PUM2: variants seen among roughly 807,000 people sequenced by gnomAD.
PUM2 encodes pumilio RNA binding family member 2.
PUM2 carries 57 observed loss-of-function variants against 124.5 expected under a neutral mutation model. That is an observed-to-expected ratio of 0.46 (90% CI 0.37 to 0.57). The LOEUF is 0.57. Ranked by LOEUF, PUM2 falls within the 20% of genes least tolerant of loss-of-function variation. PUM2 has a pLI of 0.00. For synonymous variants in PUM2, 460 were observed against 446.1 expected, an observed-to-expected ratio of 1.03 and a Z score of -0.39; for missense variants, 1,065 against 1,290.6, an observed-to-expected ratio of 0.83 and a Z score of 2.68.
intron 1 of PUM2, among the ~76,000 whole-genome samples, chr2:20,332,487 T>C (rs991963929): frequency 2.0e-5 from 3 of 151,570 alleles, no homozygotes; most frequent in Non-Finnish European, 4.4e-5. Flanking sequence ...TTATTTCAAT[T>C]ACGAGAAAGA....
At chr2:20,273,945 G>C (rs1669594459) in intron 13 of PUM2, among the ~76,000 whole-genome samples, 2 of 152,020 alleles carry the variant, frequency 1.3e-5, no homozygotes, top group Admixed American at 1.3e-4. Context: ...ACCATAATGA[G>C]GTAATCATTA....
chr2:20,268,609 C>A (rs1396878386), intron 13 of PUM2, among the ~76,000 whole-genome samples: 1 of 151,946 alleles, frequency 6.6e-6, no homozygotes, highest in Non-Finnish European at 1.5e-5. Flanking sequence ...TAGAGCAAGA[C>A]CCTGTCTAAA....
rs776909743 is a variant in PUM2, at chr2:20,308,414, A to G, written c.689T>C (p.Val230Ala). ...ETQNLDAMEQ[V>A]GLESLQFDYP... The stretch of plus-strand genomic sequence containing the variant: ...GTCAAACTGTAAGGATTCCAGACCA[A>G]CTTGTTCCATGGCATCCAGATTCTG... Residue 230 changes from valine (V) to alanine (A), a missense_variant, in exon 6 of 21, where the codon GTT (valine) becomes GCT (alanine). By Grantham distance (64) the Val-to-Ala change is moderately conservative. Transcript: ENST00000361078. 1 of 1,614,110 alleles carries G rather than the reference A, an allele frequency of 6.2e-7. No homozygotes were observed. The highest frequency in any genetic ancestry group is 8.5e-7 in the Non-Finnish European group (1 of 1,179,976).
At chr2:20,315,846 AAAAAAAAAAAAAC>A (rs914610325) in intron 3 of PUM2, among the ~76,000 whole-genome samples, 2 of 151,376 alleles carry the variant, frequency 1.3e-5, no homozygotes, top group African/African-American at 4.8e-5. Context: ...CAAAAAAAAA[AAAAAAAAAAAAAC>A]AAACCAAAAA....
intron 1 of PUM2, among the ~76,000 whole-genome samples, chr2:20,345,504 A>T (rs1688074981): frequency 6.6e-6 from 1 of 152,288 alleles, no homozygotes; most frequent in East Asian, 1.9e-4. Context: ...AAAGGTCTTA[A>T]AAACAAGGAC....
At position 20,328,093 on chromosome 2, in the gene PUM2, G is replaced by C. The variant is rs376995082; in HGVS notation, c.-18-715C>G. On this transcript the variant is annotated intron_variant, in intron 1 of 20. Coordinates refer to ENST00000361078, the MANE Select transcript of PUM2 (RefSeq NM_015317.5). ...CTCACGACTATAATCTCAGCACTTT[G>C]GGAGACCGAGGTGGGTGATCACTTG... is the stretch of plus-strand genomic sequence containing the variant. Among the ~76,000 whole-genome samples the C allele has an allele frequency of 3.3e-4, 51 of 152,300 alleles. No homozygotes were observed. The South Asian group carries it at 9.9e-3, about 30-fold the overall frequency.
intron 7 of PUM2, among the ~76,000 whole-genome samples, chr2:20,304,428 A>G (rs897697690): frequency 1.3e-5 from 2 of 152,216 alleles, no homozygotes; most frequent in Admixed American, 6.5e-5. Flanking sequence ...AATAGTTTTA[A>G]TATTTTTAAA....
chr2:20,305,510 G>A (rs539487936), intron 7 of PUM2, among the ~76,000 whole-genome samples: 151 of 111,840 alleles, frequency 1.4e-3, no homozygotes, highest in South Asian at 3.5e-3. Context: ...AATTATTTTT[G>A]TGAAGCAAGA....
intron 12 of PUM2, among the ~76,000 whole-genome samples, chr2:20,281,945 T>A (rs981397061): frequency 2.4e-4 from 37 of 152,352 alleles, no homozygotes; most frequent in African/African-American, 7.9e-4. Flanking sequence ...TAATAATGCC[T>A]GGCATGTGTT....
chr2:20,251,477 C>T lies in PUM2; in HGVS notation c.*108G>A. 1 of 1,339,140 alleles carries T rather than the reference C, an allele frequency of 7.5e-7. No homozygotes were observed. The highest frequency in any genetic ancestry group is 1.0e-6 in the Non-Finnish European group (1 of 992,724). The allele number at this position is 1,339,140 out of a possible 1,614,324, so 83.0% of individuals were successfully genotyped here. A position where few individuals can be genotyped will look rare whatever the true frequency, so the allele number is the denominator to read the frequency against. The stretch of plus-strand genomic sequence containing the variant: ...TGAATAAAGTCAATAAATAGTTTTG[C>T]TTTAAAAAAAAATTGAAGATTCATA... On this transcript the variant is annotated 3_prime_UTR_variant, in exon 21 of 21. Coordinates refer to ENST00000361078, the MANE Select transcript of PUM2 (RefSeq NM_015317.5).
At chr2:20,259,143 A>G (rs1360779054) in intron 15 of PUM2, among the ~76,000 whole-genome samples, 1 of 152,252 alleles carries the variant, frequency 6.6e-6, no homozygotes, top group African/African-American at 2.4e-5. Context: ...AAAATAACAC[A>G]CATCTATAAA....
chr2:20,262,410 G>A (rs1164335892), intron 14 of PUM2, among the ~76,000 whole-genome samples: 1 of 152,220 alleles, frequency 6.6e-6, no homozygotes, highest in African/African-American at 2.4e-5. Flanking sequence ...ACAGTATTCA[G>A]TACAGTGACA....
chr2:20,254,165 T>C, intron 19 of PUM2, 151 bp from the exon 20 acceptor site: 1 of 765,066 alleles, frequency 1.3e-6, no homozygotes, highest in Non-Finnish European at 2.0e-6. Flanking sequence ...TTTTATTTTG[T>C]TCTTTTTTTT....
chr2:20,334,817 A>G (rs1685651954), intron 1 of PUM2, among the ~76,000 whole-genome samples: 1 of 152,180 alleles, frequency 6.6e-6, no homozygotes, highest in African/African-American at 2.4e-5. Flanking sequence ...CAGCCTGGAG[A>G]CTGTACCTTC....
rs956582325 is a variant in PUM2 at position 20,282,797 on chromosome 2, G to C, written c.1720+150C>G. ...TGGTGAGTGTTGAAAAGATTTGCAG[G>C]ATTTTTTTTTCCTACAAATTAAACC... On this transcript the variant is annotated intron_variant, in intron 12 of 20. Transcript: ENST00000361078. The C allele has an allele frequency of 1.3e-5, 12 of 911,032 alleles. No individual in the cohort carries two copies. In the Admixed American group the frequency reaches 2.8e-4, roughly 21 times the overall value. 56.4% of individuals were successfully genotyped at this position (911,032 alleles called of 1,614,324 possible). A position where few individuals can be genotyped will look rare whatever the true frequency, so the allele number is the denominator to read the frequency against.
chr2:20,297,414 A>C, intron 8 of PUM2, 139 bp downstream of exon 8: 3 of 811,844 alleles, frequency 3.7e-6, no homozygotes, highest in Non-Finnish European at 5.3e-6. Flanking sequence ...AACTTCCTGG[A>C]AACTTTAGTT....
chr2:20,331,648 AG>A (rs1193310551), intron 1 of PUM2: 2 of 151,992 alleles, frequency 1.3e-5, no homozygotes, highest in African/African-American at 4.8e-5. Flanking sequence ...AGAAAAGAAA[AG>A]GAAAAAAAAA....
chr2:20,345,527 T>C (rs1688081091), intron 1 of PUM2, among the ~76,000 whole-genome samples: 1 of 152,096 alleles, frequency 6.6e-6, no homozygotes, highest in South Asian at 2.1e-4. Context: ...CATATCACCG[T>C]ATCACCAGCA....
chr2:20,310,033 A>T (rs180812621), intron 5 of PUM2, among the ~76,000 whole-genome samples: 1 of 152,074 alleles, frequency 6.6e-6, no homozygotes, highest in South Asian at 2.1e-4. Context: ...AAAATCAGCC[A>T]ATTTTTCTTT....
Sources: allele counts gnomAD v4.1 joint callset (sites outside exome capture counted in the v4.1 genomes callset), GRCh38; gene constraint gnomAD v4.1.1; transcripts MANE v1.5; gene names NCBI Gene and HGNC (gene_info 2026-07-23, HGNC 2026-07-21).